The following MRPS35 variants were observed in gnomAD, a reference collection of about 807,000 sequenced individuals.
MRPS35 encodes small ribosomal subunit protein mS35.
A neutral mutation model predicts 32.7 loss-of-function variants in MRPS35; 29 were observed. The observed-to-expected ratio is 0.89, with a 90% confidence interval of 0.66 to 1.21. MRPS35 has a LOEUF of 1.21. Among genes scored for constraint, MRPS35 ranks in the 50% most tolerant of loss-of-function variants. The pLI is 0.00. For synonymous variants in MRPS35, 148 were observed against 139.3 expected (o/e 1.06, Z -0.44); for missense variants, 373 against 383.8 (o/e 0.97, Z 0.23).
At chr12:27,725,749 T>A (rs1206722279) in intron 5 of MRPS35, 1 of 153,914 alleles carries the variant, frequency 6.5e-6, no homozygotes, top group African/African-American at 2.4e-5. Flanking sequence ...GCAAAACATG[T>A]ATTTTTTGTC....
chr12:27,751,305 T>C (rs2062002343), intron 7 of MRPS35, among the ~76,000 whole-genome samples: 1 of 152,104 alleles, frequency 6.6e-6, no homozygotes, highest in African/African-American at 2.4e-5. Context: ...AAATATACAT[T>C]ATTCCATAGT....
chr12:27,712,811 G>T (rs1015427188), intron 1 of MRPS35, among the ~76,000 whole-genome samples: 1 of 152,224 alleles, frequency 6.6e-6, no homozygotes, highest in Non-Finnish European at 1.5e-5. Context: ...GAGCCCAGGA[G>T]TTTGAGACCA....
intron 5 of MRPS35, among the ~76,000 whole-genome samples, chr12:27,732,868 T>C (rs2140769586): frequency 6.6e-6 from 1 of 152,082 alleles, no homozygotes; most frequent in East Asian, 1.9e-4. Context: ...TTGTCTTTTA[T>C]GTAATACCAG....
chr12:27,755,436 T>C lies in MRPS35; in HGVS notation c.958T>C (p.Leu320=). ...GTACAAAGAATCCGTGAAGAGACTA[T>C]TAAATGTGACATGAATTATGGAGTA... ...SQYKESVKRL[L]NVT is the part of the protein sequence containing the mutation. The change falls in exon 8 of 8, where the codon TTA becomes CTA. Residue 320 remains leucine (L), a synonymous_variant. Coordinates refer to ENST00000081029, the MANE Select transcript of MRPS35 (RefSeq NM_021821.4). 1 of 1,564,610 alleles carries C rather than the reference T, an allele frequency of 6.4e-7. No homozygotes were observed. Among genetic ancestry groups the C allele is most frequent in the South Asian group, 1.2e-5 (1 of 80,308 alleles).
In MRPS35 at chr12:27,735,555, A is replaced by T; in HGVS notation, c.631A>T (p.Arg211Trp). The T allele has an allele frequency of 6.2e-7, 1 of 1,604,526 alleles. No homozygotes were observed. The change falls in exon 6 of 8, where the codon AGG becomes TGG. Residue 211 changes from arginine to tryptophan, a missense_variant and splice_region_variant. Physicochemically the swap from Arg to Trp is moderately radical, Grantham distance 101 (BLOSUM62 -3). Coordinates refer to ENST00000081029, the MANE Select transcript of MRPS35 (RefSeq NM_021821.4). ...TTDVLTIKTD[R>W]CPLRRQNYDY... ...AGATGTGCTTACCATCAAAACAGATAGGTAATGGAAAAAATGTTCAGCCGA... is the reference window on the plus strand; with the variant it reads ...AGATGTGCTTACCATCAAAACAGATTGGTAATGGAAAAAATGTTCAGCCGA...
At chr12:27,744,294 T>C (rs2061974420) in intron 7 of MRPS35, among the ~76,000 whole-genome samples, 1 of 152,088 alleles carries the variant, frequency 6.6e-6, no homozygotes, top group Non-Finnish European at 1.5e-5. Context: ...ATACTAAATG[T>C]TTCATAGCAG....
chr12:27,738,818 A>G (rs925918740), intron 7 of MRPS35, among the ~76,000 whole-genome samples: 1 of 152,150 alleles, frequency 6.6e-6, no homozygotes, highest in Non-Finnish European at 1.5e-5. Context: ...AAGTTTTCAT[A>G]TGGAAGAGGG....
intron 1 of MRPS35, among the ~76,000 whole-genome samples, chr12:27,712,768 G>A (rs1433396453): frequency 1.3e-5 from 2 of 152,210 alleles, no homozygotes; most frequent in Non-Finnish European, 2.9e-5. Context: ...TGTAATCCCA[G>A]CACTGTGGGA....
intron 7 of MRPS35, among the ~76,000 whole-genome samples, chr12:27,751,721 C>A (rs2062004827): frequency 1.3e-5 from 2 of 152,210 alleles, no homozygotes; most frequent in Non-Finnish European, 2.9e-5. Context: ...TGCACAAGAG[C>A]CATGTTGAGC....
intron 3 of MRPS35, among the ~76,000 whole-genome samples, chr12:27,716,725 C>T (rs1226070108): frequency 5.3e-5 from 8 of 152,174 alleles, no homozygotes; most frequent in African/African-American, 1.2e-4. Flanking sequence ...CAGTGGCTCA[C>T]GCCTGTAATC....
At chr12:27,739,757 G>T (rs1041960914) in intron 7 of MRPS35, among the ~76,000 whole-genome samples, 1 of 152,110 alleles carries the variant, frequency 6.6e-6, no homozygotes, top group Non-Finnish European at 1.5e-5. Flanking sequence ...AATACAACCC[G>T]TTTTGACTTT....
chr12:27,717,002 A>C, intron 3 of MRPS35, among the ~76,000 whole-genome samples: 1 of 152,020 alleles, frequency 6.6e-6, no homozygotes, highest in Non-Finnish European at 1.5e-5. Context: ...GGAAAAAAAA[A>C]AAGAGTAATT....
intron 1 of MRPS35, 74 bp downstream of exon 1, chr12:27,711,029 C>T: frequency 7.1e-7 from 1 of 1,417,798 alleles, no homozygotes; most frequent in South Asian, 1.2e-5. Context: ...TGAAGGGTGC[C>T]GCGGTGGCTG....
chr12:27,743,021 G>A (rs1321804614), intron 7 of MRPS35, among the ~76,000 whole-genome samples: 2 of 151,706 alleles, frequency 1.3e-5, no homozygotes, highest in African/African-American at 2.4e-5. Context: ...TCACCATGCG[G>A]AGCTAATTTT....
At chr12:27,727,296 C>T (rs926449382) in intron 5 of MRPS35, among the ~76,000 whole-genome samples, 2 of 152,108 alleles carry the variant, frequency 1.3e-5, no homozygotes, top group African/African-American at 2.4e-5. Context: ...TTATGTAAGT[C>T]ATGTGCTGCA....
intron 7 of MRPS35, among the ~76,000 whole-genome samples, chr12:27,739,229 A>C (rs1353150360): frequency 6.6e-6 from 1 of 152,236 alleles, no homozygotes; most frequent in Non-Finnish European, 1.5e-5. Flanking sequence ...GAGAGCCATC[A>C]TAAGATGCAA....
At chr12:27,721,902 CAT>C (rs1233955316) in intron 4 of MRPS35, among the ~76,000 whole-genome samples, 2 of 152,054 alleles carry the variant, frequency 1.3e-5, no homozygotes, top group African/African-American at 4.8e-5. Context: ...TCCTGAGCAA[CAT>C]AGTGAGATCA....
intron 7 of MRPS35, among the ~76,000 whole-genome samples, chr12:27,750,727 C>T (rs2061998597): frequency 6.6e-6 from 1 of 152,122 alleles, no homozygotes; most frequent in African/African-American, 2.4e-5. Context: ...ATTGCATGAG[C>T]TTAGGAAGTT....
chr12:27,722,742 A>G (rs183004672), intron 4 of MRPS35, among the ~76,000 whole-genome samples: 16 of 152,286 alleles, frequency 1.1e-4, no homozygotes, highest in African/African-American at 3.6e-4. Context: ...TCCCCTCAAA[A>G]CGACCGGGTA....
Sources: gnomAD v4.1 joint callset for allele counts (sites outside exome capture counted in the v4.1 genomes callset) on GRCh38, gnomAD v4.1.1 for gene constraint, MANE v1.5 for transcripts, NCBI Gene and HGNC (gene_info 2026-07-23, HGNC 2026-07-21) for gene names.